Variants in HOXC12 observed in about 807,000 individuals in gnomAD.
HOXC12 encodes homeobox protein Hox-C12.
A neutral mutation model predicts 20.9 loss-of-function variants in HOXC12; 24 were observed. That is an observed-to-expected ratio of 1.15 (90% CI 0.83 to 1.61). HOXC12 has a LOEUF of 1.61. Ranked by LOEUF, HOXC12 falls within the 40% of genes most tolerant of loss-of-function variation. The pLI is 0.00. For missense variants in HOXC12, 436 were observed against 406.9 expected, an observed-to-expected ratio of 1.07 and a Z score of -0.62; for synonymous variants, 202 against 197.7, an observed-to-expected ratio of 1.02 and a Z score of -0.18.
In HOXC12 at chr12:53,956,701, TGTTTTGTTCGTG is replaced by T; in HGVS notation, c.*139_*150del. On this transcript the variant is annotated 3_prime_UTR_variant, in exon 2 of 2. Transcript: ENST00000243103. ...GGCCCTCCCTGGATATCCTCTTGTCTGTTTTGTTCGTGGTTCCCTCCCATACACACCCAAAAC... is the reference window on the plus strand; with the variant it reads ...GGCCCTCCCTGGATATCCTCTTGTCTGTTCCCTCCCATACACACCCAAAAC... 1 of 686,632 alleles carries T rather than the reference TGTTTTGTTCGTG, an allele frequency of 1.5e-6. No individual in the cohort carries two copies. Among genetic ancestry groups the T allele is most frequent in the South Asian group, 1.9e-5 (1 of 51,490 alleles). The allele number at this position is 686,632 out of a possible 1,614,324, so 42.5% of individuals were successfully genotyped here.
Position 53,957,633 on chromosome 12 carries a change from G to A in HOXC12, c.*1067G>A, listed in dbSNP as rs747751072. 1.3e-5 allele frequency: 2 copies of A among 152,260 alleles called. No homozygotes were observed. Among genetic ancestry groups the A allele is most frequent in the African/African-American group, 2.4e-5 (1 of 41,462 alleles). 9.4% of individuals were successfully genotyped at this position (152,260 alleles called of 1,614,324 possible). ...TGGACCAGCGTAATTTACGAGGCGGGAGGAGAATTCACCCTTAAAGGGGCT... is the reference window on the plus strand; with the variant it reads ...TGGACCAGCGTAATTTACGAGGCGGAAGGAGAATTCACCCTTAAAGGGGCT... On this transcript the variant is annotated 3_prime_UTR_variant, in exon 2 of 2. Coordinates refer to ENST00000243103, the MANE Select transcript of HOXC12 (RefSeq NM_173860.3).
rs117817334 is a variant in HOXC12, at chr12:53,957,584, C to A, written c.*1018C>A. Reference sequence around the variant, plus strand: ...CCTTCCCCGCTGGCGTTCACGGTCACTGCCTCACGGGCCGGCCAGAGGGTG... The same window carrying A: ...CCTTCCCCGCTGGCGTTCACGGTCAATGCCTCACGGGCCGGCCAGAGGGTG... On this transcript the variant is annotated 3_prime_UTR_variant, in exon 2 of 2. Transcript: ENST00000243103. 9,181 of 71,598 alleles carry A rather than the reference C, an allele frequency of 0.13. 373 individuals are homozygous for A. The highest frequency in any genetic ancestry group is 0.21 in the Non-Finnish European group (5,880 of 27,934). The allele number at this position is 71,598 out of a possible 1,614,324, so 4.4% of individuals were successfully genotyped here. A position where few individuals can be genotyped will look rare whatever the true frequency, so the allele number is the denominator to read the frequency against.
chr12:53,956,176 C>A (rs1938862877), intron 1 of HOXC12, 152 bp from the exon 2 acceptor site: 1 of 592,920 alleles, frequency 1.7e-6, no homozygotes. Flanking sequence ...GTAGAAAAGA[C>A]GATTCAGATG....
At position 53,956,624 on chromosome 12, in the gene HOXC12, AG is replaced by A; in HGVS notation, c.*61del. ...GCCTGTCCCTGGCAGAGAGCAAAAG[AG>A]GGCGCCGCCTAGAACACAGTCCCCA... On this transcript the variant is annotated 3_prime_UTR_variant, in exon 2 of 2. Transcript: ENST00000243103. 3 of 1,336,770 alleles carry A rather than the reference AG, an allele frequency of 2.2e-6. No individual in the cohort carries two copies. Among genetic ancestry groups the A allele is most frequent in the Non-Finnish European group, 3.1e-6 (3 of 965,730 alleles). The allele number at this position is 1,336,770 out of a possible 1,614,324, so 82.8% of individuals were successfully genotyped here.
chr12:53,954,998 C>T lies in HOXC12; in HGVS notation c.69C>T (p.Thr23=), dbSNP rs1185010475. 2 of 1,614,270 alleles carry T rather than the reference C, an allele frequency of 1.2e-6. No homozygotes were observed. The highest frequency in any genetic ancestry group is 2.2e-5 in the East Asian group (1 of 44,890). Residue 23 remains threonine, a synonymous_variant, in exon 1 of 2, where the codon ACC becomes ACT. Coordinates refer to ENST00000243103, the MANE Select transcript of HOXC12 (RefSeq NM_173860.3). ...TGGTAAACATCCACACGGGAGACAC[C>T]TTCTACTTCCCCAACTTCCGCGCGT... ...GPLVNIHTGD[T]FYFPNFRASG...
chr12:53,955,597 C>A, intron 1 of HOXC12, 58 bp downstream of exon 1: 2 of 1,346,294 alleles, frequency 1.5e-6, no homozygotes, highest in Non-Finnish European at 1.9e-6. Flanking sequence ...CCAGGGCGGG[C>A]AGAACAGGAC....
At chr12:53,955,606 A>G (rs1359350068) in intron 1 of HOXC12, 67 bp downstream of exon 1, 4 of 1,330,714 alleles carry the variant, frequency 3.0e-6, no homozygotes, top group Non-Finnish European at 3.8e-6. Flanking sequence ...GCAGAACAGG[A>G]CTGAGCTAGG....
chr12:53,955,630 AC>A (rs1191683361), intron 1 of HOXC12, 91 bp downstream of exon 1: 27 of 1,249,714 alleles, frequency 2.2e-5, no homozygotes, highest in Non-Finnish European at 2.7e-5. Context: ...GCCCAGGGTG[AC>A]AGAATGTGTG....
chr12:53,955,071 GA>G lies in HOXC12; in HGVS notation c.143del (p.Asp48AlafsTer60), dbSNP rs765783798. 3 of 1,613,408 alleles carry G rather than the reference GA, an allele frequency of 1.9e-6. No individual in the cohort carries two copies. Among genetic ancestry groups the G allele is most frequent in the Non-Finnish European group, 2.5e-6 (3 of 1,179,788 alleles). ...GCCTTCGCTGTCCTACCCACGCCGC[GA>G]CAACGTGTGCTCCCTGTCCTGGCCG... ...GLPSLSYPRR[D>X]NVCSLSWPSA... On this transcript the variant is annotated frameshift_variant, in exon 1 of 2. Transcript: ENST00000243103. LOFTEE classifies it high-confidence loss of function.
At position 53,957,662 on chromosome 12, in the gene HOXC12, A is replaced by G. The variant is rs563931159; in HGVS notation, c.*1096A>G. On this transcript the variant is annotated 3_prime_UTR_variant, in exon 2 of 2. Transcript: ENST00000243103. ...AGAATTCACCCTTAAAGGGGCTACC[A>G]GCCATTGAGGTCCCACTCAGCCCCA... is the stretch of plus-strand genomic sequence containing the variant. 1.2e-4 allele frequency: 18 copies of G among 152,412 alleles called. No individual in the cohort carries two copies. The highest frequency in any genetic ancestry group is 4.1e-4 in the African/African-American group (17 of 41,578). The allele number at this position is 152,412 out of a possible 1,614,324, so 9.4% of individuals were successfully genotyped here. A position where few individuals can be genotyped will look rare whatever the true frequency, so the allele number is the denominator to read the frequency against.
intron 1 of HOXC12, 93 bp downstream of exon 1, chr12:53,955,632 A>G (rs1487965687): frequency 2.1e-5 from 26 of 1,245,980 alleles, no homozygotes; most frequent in Non-Finnish European, 2.6e-5. Context: ...CCAGGGTGAC[A>G]GAATGTGTGG....
In HOXC12 at chr12:53,955,265, C is replaced by G. The variant is rs955015647; in HGVS notation, c.336C>G (p.Arg112=). 4 of 1,478,296 alleles carry G rather than the reference C, an allele frequency of 2.7e-6. No individual in the cohort carries two copies. Among genetic ancestry groups the G allele is most frequent in the Admixed American group, 4.7e-5 (2 of 42,394 alleles). The allele number at this position is 1,478,296 out of a possible 1,614,324, so 91.6% of individuals were successfully genotyped here. The stretch of plus-strand genomic sequence containing the variant: ...GCGGGGGCCTGAAGCGTGAGGAGCG[C>G]GGGCGCGACCCGGGAGCCGGGCCCG... ...GGGGGLKREE[R]GRDPGAGPGA... The change falls in exon 1 of 2, where the codon CGC becomes CGG. Residue 112 remains arginine, a synonymous_variant. Transcript: ENST00000243103.
intron 1 of HOXC12, among the ~76,000 whole-genome samples, chr12:53,956,072 G>A (rs1938861619): frequency 6.6e-6 from 1 of 152,114 alleles, no homozygotes; most frequent in African/African-American, 2.4e-5. Context: ...CATGAATAGT[G>A]CAGCAGGAGG....
At position 53,956,751 on chromosome 12, in the gene HOXC12, C is replaced by T. The variant is rs1056125551; in HGVS notation, c.*185C>T. On this transcript the variant is annotated 3_prime_UTR_variant, in exon 2 of 2. Transcript: ENST00000243103. ...ACACACCCAAAACACCCTGCCAGGT[C>T]CCAGAGAGAAGGGAAGAAACCTAGC... 3.1e-5 allele frequency: 15 copies of T among 480,942 alleles called. No individual in the cohort carries two copies. The highest frequency in any genetic ancestry group is 2.4e-4 in the African/African-American group (12 of 50,088). The allele number at this position is 480,942 out of a possible 1,614,324, so 29.8% of individuals were successfully genotyped here.
At chr12:53,956,304 C>G in intron 1 of HOXC12, 24 bp from the exon 2 acceptor site, 2 of 1,558,228 alleles carry the variant, frequency 1.3e-6, no homozygotes, top group Non-Finnish European at 1.7e-6. Flanking sequence ...CTTTGGCCAA[C>G]CCCTGCCATT....
chr12:53,957,592 CG>C lies in HOXC12; in HGVS notation c.*1029del, dbSNP rs35722078. The C allele has an allele frequency of 0.79, 119,094 of 151,348 alleles. 47,119 individuals carry two copies. The highest frequency in any genetic ancestry group is 0.85 in the Non-Finnish European group (57,957 of 67,958). 9.4% of individuals were successfully genotyped at this position (151,348 alleles called of 1,614,324 possible). ...GCTGGCGTTCACGGTCACTGCCTCACGGGCCGGCCAGAGGGTGGACCAGCGT... is the reference window on the plus strand; with the variant it reads ...GCTGGCGTTCACGGTCACTGCCTCACGGCCGGCCAGAGGGTGGACCAGCGT... On this transcript the variant is annotated 3_prime_UTR_variant, in exon 2 of 2. Coordinates refer to ENST00000243103, the MANE Select transcript of HOXC12 (RefSeq NM_173860.3).
rs1938871822 is a variant in HOXC12, at chr12:53,956,601, C to T, written c.*35C>T. Reference sequence around the variant, plus strand: ...CACGGGCGCCAGCCCCAGACTGAGCCTGTCCCTGGCAGAGAGCAAAAGAGG... The same window carrying T: ...CACGGGCGCCAGCCCCAGACTGAGCTTGTCCCTGGCAGAGAGCAAAAGAGG... On this transcript the variant is annotated 3_prime_UTR_variant, in exon 2 of 2. Transcript: ENST00000243103. 6.6e-7 allele frequency: 1 copy of T among 1,514,044 alleles called. No homozygotes were observed. The highest frequency in any genetic ancestry group is 2.3e-5 in the East Asian group (1 of 44,172). 93.8% of individuals were successfully genotyped at this position (1,514,044 alleles called of 1,614,324 possible).
In HOXC12 at chr12:53,955,077, G is replaced by C; in HGVS notation, c.148G>C (p.Val50Leu). Residue 50 changes from valine (V) to leucine (L), a missense_variant, in exon 1 of 2, where the codon GTG becomes CTG. Val to Leu is a conservative substitution (Grantham distance 32, BLOSUM62 1). Transcript: ENST00000243103. ...GCTGTCCTACCCACGCCGCGACAAC[G>C]TGTGCTCCCTGTCCTGGCCGTCGGC... ...PSLSYPRRDN[V>L]CSLSWPSAEP... 2.5e-6 allele frequency: 4 copies of C among 1,613,376 alleles called. No individual in the cohort carries two copies. The highest frequency in any genetic ancestry group is 3.4e-6 in the Non-Finnish European group (4 of 1,179,762).
chr12:53,955,352 C>G lies in HOXC12; in HGVS notation c.423C>G (p.Tyr141Ter). 1 of 1,431,906 alleles carries G rather than the reference C, an allele frequency of 7.0e-7. No homozygotes were observed. Among genetic ancestry groups the G allele is most frequent in the Non-Finnish European group, 9.1e-7 (1 of 1,097,550 alleles). 88.7% of individuals were successfully genotyped at this position (1,431,906 alleles called of 1,614,324 possible). A position where few individuals can be genotyped will look rare whatever the true frequency, so the allele number is the denominator to read the frequency against. The change falls in exon 1 of 2, where the codon TAC (tyrosine) becomes TAG (stop). Residue 141 changes from tyrosine to a stop codon, truncating the protein, a stop_gained. Transcript: ENST00000243103. LOFTEE classifies it high-confidence loss of function. ...CTGCGCTCGGCTTCAAGTACGACTA[C>G]GCGGCGGGCGGCGGCGGTGGCGACG... is the stretch of plus-strand genomic sequence containing the variant. ...GPPALGFKYD[Y>*]AAGGGGGDGG...
Sources: allele counts gnomAD v4.1 joint callset (sites outside exome capture counted in the v4.1 genomes callset), GRCh38; gene constraint gnomAD v4.1.1; transcripts MANE v1.5; gene names NCBI Gene and HGNC (gene_info 2026-07-23, HGNC 2026-07-21).